DPYD: variants seen among roughly 807,000 people sequenced by gnomAD.
The protein encoded by DPYD is dihydropyrimidine dehydrogenase, also known as dihydropyrimidine dehydrogenase [NADP(+)].
Under a neutral mutation model 116.2 loss-of-function variants are expected in DPYD, and 109 were observed. The observed-to-expected ratio is 0.94, with a 90% CI of 0.80 to 1.10. The LOEUF is 1.10. Ranked by LOEUF, DPYD falls within the 50% of genes least tolerant of loss-of-function variation. The pLI is 0.00. For missense variants in DPYD, 1,302 were observed against 1,254.5 expected (o/e 1.04, Z -0.57); for synonymous variants, 440 against 432.0 (o/e 1.02, Z -0.23).
chr1:97,252,258 C>T (rs904230568), intron 18 of DPYD, among the ~76,000 whole-genome samples: 1 of 152,078 alleles, frequency 6.6e-6, no homozygotes, highest in Non-Finnish European at 1.5e-5. Context: ...GGCAAATTGG[C>T]CAGTGTGCAA....
rs971671727 is a variant in DPYD, at chr1:97,291,777, T to A, written c.2299+13482A>T. On this transcript the variant is annotated intron_variant, in intron 18 of 22. Transcript: ENST00000370192. ...GGGTGCAGCACACCAGCATGGCACA[T>A]GTATACATATGTAGCTAAACTGCAC... is the stretch of plus-strand genomic sequence containing the variant. 2.9e-4 allele frequency among the ~76,000 whole-genome samples: 44 copies of A among 152,062 alleles called. 1 individual carries two copies. The highest frequency in any genetic ancestry group is 2.4e-3 in the Admixed American group (37 of 15,258).
intron 3 of DPYD, among the ~76,000 whole-genome samples, chr1:97,802,291 A>G (rs1213750718): frequency 6.6e-6 from 1 of 151,950 alleles, no homozygotes; most frequent in Non-Finnish European, 1.5e-5. Flanking sequence ...CTTAATTAAG[A>G]CAAATCTTTC....
chr1:97,695,999 G>A (rs1204789567), intron 6 of DPYD, among the ~76,000 whole-genome samples: 1 of 151,802 alleles, frequency 6.6e-6, no homozygotes, highest in Non-Finnish European at 1.5e-5. Flanking sequence ...GCATGGTGGT[G>A]CATGCCTGTA....
Position 97,794,006 on chromosome 1 carries a change from T to C in DPYD, c.233+34108A>G, listed in dbSNP as rs556599593. On this transcript the variant is annotated intron_variant, in intron 3 of 22. Transcript: ENST00000370192. ...AAGCTAGAGTGCTGTGGTGCAATCA[T>C]GGCTCACTGCAGCCTCAACTTCCTG... 2.7e-3 allele frequency among the ~76,000 whole-genome samples: 417 copies of C among 152,286 alleles called. 2 individuals carry two copies. Among genetic ancestry groups the C allele is most frequent in the African/African-American group, 8.9e-3 (371 of 41,572 alleles).
intron 10 of DPYD, among the ~76,000 whole-genome samples, chr1:97,588,264 C>T (rs1328604994): frequency 2.0e-5 from 3 of 152,032 alleles, no homozygotes; most frequent in Non-Finnish European, 4.4e-5. Flanking sequence ...CATGCAGGCC[C>T]CATAAAAATG....
chr1:97,407,388 A>C (rs2101654901), intron 14 of DPYD, among the ~76,000 whole-genome samples: 1 of 152,258 alleles, frequency 6.6e-6, no homozygotes. Flanking sequence ...CTTTGCTCTC[A>C]TTAACTATGA....
intron 13 of DPYD, among the ~76,000 whole-genome samples, chr1:97,505,396 C>A (rs1412936276): frequency 6.6e-6 from 1 of 151,602 alleles, no homozygotes; most frequent in African/African-American, 2.4e-5. Flanking sequence ...CCGTGACTAT[C>A]CGTGTGCTAT....
At chr1:97,333,216 C>A (rs1336706336) in intron 16 of DPYD, among the ~76,000 whole-genome samples, 2 of 151,950 alleles carry the variant, frequency 1.3e-5, no homozygotes, top group South Asian at 2.1e-4. Context: ...CACCACCATG[C>A]CTGGCTAATT....
intron 18 of DPYD, among the ~76,000 whole-genome samples, chr1:97,290,772 A>G (rs887763331): frequency 5.5e-4 from 84 of 152,254 alleles, no homozygotes; most frequent in African/African-American, 1.8e-3. Flanking sequence ...GGACATAGGC[A>G]TGGGCAAGGA....
intron 13 of DPYD, among the ~76,000 whole-genome samples, chr1:97,464,090 A>G (rs1195232243): frequency 1.3e-5 from 2 of 151,762 alleles, no homozygotes; most frequent in Non-Finnish European, 2.9e-5. Context: ...AATACAAAAA[A>G]TAGCTGGATG....
rs150946237 is a variant in DPYD at position 97,694,422 on chromosome 1, G to A, written c.681-2624C>T. ...TGAACAAGTGTTTCAAAGGAGGGAA[G>A]GCTTATTGTGGGATGAGATAAGTGG... is the stretch of plus-strand genomic sequence containing the variant. On this transcript the variant is annotated intron_variant, in intron 6 of 22. Transcript: ENST00000370192. Among the ~76,000 whole-genome samples, 427 of 152,276 alleles carry A rather than the reference G, an allele frequency of 2.8e-3. 1 individual carries two copies. The highest frequency in any genetic ancestry group is 0.01 in the African/African-American group (417 of 41,552).
intron 14 of DPYD, among the ~76,000 whole-genome samples, chr1:97,393,802 TA>T (rs1391048953): frequency 2.0e-5 from 3 of 151,986 alleles, no homozygotes; most frequent in Non-Finnish European, 4.4e-5. Context: ...TTTGGGTATA[TA>T]CTCAGTAATG....
chr1:97,599,892 A>G (rs907756907), intron 8 of DPYD, among the ~76,000 whole-genome samples: 4 of 146,726 alleles, frequency 2.7e-5, no homozygotes, highest in Middle Eastern at 3.5e-3. Flanking sequence ...AAAAAAAAAA[A>G]AAAATTAGCC....
intron 20 of DPYD, among the ~76,000 whole-genome samples, chr1:97,174,291 C>T (rs974273498): frequency 8.5e-5 from 13 of 152,114 alleles, no homozygotes; most frequent in African/African-American, 2.9e-4. Context: ...AAGCAAAGCA[C>T]ATGGAAGGCC....
chr1:97,612,096 T>G (rs1655985157), intron 8 of DPYD, among the ~76,000 whole-genome samples: 1 of 152,014 alleles, frequency 6.6e-6, no homozygotes, highest in South Asian at 2.1e-4. Flanking sequence ...CAGATCCCCT[T>G]ATGCCCTGTA....
intron 2 of DPYD, among the ~76,000 whole-genome samples, chr1:97,860,834 C>T (rs1291223551): frequency 6.6e-6 from 1 of 151,490 alleles, no homozygotes; most frequent in Non-Finnish European, 1.5e-5. Context: ...ATATTTAATA[C>T]ACAAAGAAAA....
intron 2 of DPYD, among the ~76,000 whole-genome samples, chr1:97,858,063 A>G (rs1466384674): frequency 6.6e-6 from 1 of 152,040 alleles, no homozygotes; most frequent in African/African-American, 2.4e-5. Flanking sequence ...ATCCTCTTCC[A>G]ATGAGTCTGT....
chr1:97,164,310 AGCCAATATCATAC>A (rs1167856197), intron 20 of DPYD, among the ~76,000 whole-genome samples: 1 of 152,164 alleles, frequency 6.6e-6, no homozygotes, highest in African/African-American at 2.4e-5. Context: ...ACAAACCCAC[AGCCAATATCATAC>A]TGAAAGGGCA....
At chr1:97,283,652 A>G (rs1470997632) in intron 18 of DPYD, among the ~76,000 whole-genome samples, 1 of 152,162 alleles carries the variant, frequency 6.6e-6, no homozygotes, top group Non-Finnish European at 1.5e-5. Flanking sequence ...TGTATTTACT[A>G]TGAGTCTTCT....
Sources: gnomAD v4.1 joint callset for allele counts (sites outside exome capture counted in the v4.1 genomes callset) on GRCh38, gnomAD v4.1.1 for gene constraint, MANE v1.5 for transcripts, NCBI Gene and HGNC (gene_info 2026-07-23, HGNC 2026-07-21) for gene names.